DCLK1: variants seen among roughly 807,000 people sequenced by gnomAD.
The protein encoded by DCLK1 is doublecortin like kinase 1.
DCLK1 carries 16 observed loss-of-function variants against 86.2 expected under a neutral mutation model. The observed-to-expected ratio is 0.19, with a 90% CI of 0.13 to 0.28. The LOEUF (loss-of-function observed/expected upper bound fraction) is 0.28, where lower values mean the gene tolerates loss of function less well. DCLK1 is among the 10% of genes least tolerant of loss of function. The probability of loss-of-function intolerance (pLI) is 1.00; values close to 1 mark genes in which losing one functional copy is unlikely to be tolerated. For missense variants in DCLK1, 590 were observed against 940.2 expected (o/e 0.63, Z 4.87); for synonymous variants, 369 against 370.5 (o/e 1.00, Z 0.05).
chr13:36,087,752 C>A (rs1405504589), intron 3 of DCLK1, among the ~76,000 whole-genome samples: 1 of 152,028 alleles, frequency 6.6e-6, no homozygotes, highest in African/African-American at 2.4e-5. Flanking sequence ...TGGGAGTGGG[C>A]AAAGGTCAGT....
chr13:35,839,102 G>C lies in DCLK1; in HGVS notation c.1110C>G (p.Gly370=), dbSNP rs750564253. Residue 370 remains glycine (G), a synonymous_variant, in exon 7 of 17, where the codon GGC becomes GGG. Transcript: ENST00000360631. ...KVCSSMDEND[G]PGEEVSEEGF... The stretch of plus-strand genomic sequence containing the variant: ...TCCCAAGCTCATCACCTTCTCCAGG[G>C]CCATCGTTCTCATCCATCGAGCTGC... 2.5e-6 allele frequency: 4 copies of C among 1,598,904 alleles called. No individual in the cohort carries two copies. The highest frequency in any genetic ancestry group is 3.4e-6 in the Non-Finnish European group (4 of 1,172,974).
intron 4 of DCLK1, among the ~76,000 whole-genome samples, chr13:35,892,907 T>C (rs9531153): frequency 0.11 from 16,272 of 152,278 alleles, 1,092 homozygotes; most frequent in Middle Eastern, 0.17. Flanking sequence ...CAAGCATAAA[T>C]GGAAAGCCCT....
rs141645518 is a variant in DCLK1, at chr13:35,800,842, C to T, written c.1944+4857G>A. On this transcript the variant is annotated intron_variant, in intron 15 of 16. Coordinates refer to ENST00000360631, the MANE Select transcript of DCLK1 (RefSeq NM_001330071.2). ...AGCCATCCTCATTCCTCAGCCTCCC[C>T]AGTAGCTGGGATTACAGGCACCCAC... is the stretch of plus-strand genomic sequence containing the variant. 4.5e-3 allele frequency among the ~76,000 whole-genome samples: 677 copies of T among 151,864 alleles called. 6 individuals carry two copies. The highest frequency in any genetic ancestry group is 0.016 in the African/African-American group (645 of 41,366).
chr13:35,897,990 TC>T (rs1874105403), intron 4 of DCLK1, among the ~76,000 whole-genome samples: 1 of 152,236 alleles, frequency 6.6e-6, no homozygotes, highest in Non-Finnish European at 1.5e-5. Context: ...ATATTGTAGG[TC>T]TTCAAACATA....
intron 4 of DCLK1, among the ~76,000 whole-genome samples, chr13:35,895,088 G>A (rs1202342127): frequency 6.6e-6 from 1 of 152,050 alleles, no homozygotes; most frequent in Non-Finnish European, 1.5e-5. Flanking sequence ...CTATAAGTGT[G>A]CAGCACCACA....
rs189540053 is a variant in DCLK1 at position 35,915,365 on chromosome 13, A to G, written c.823+31993T>C. ...CAGCCGCAAAGGCTGTGTATCCCCA[A>G]ACTATATTCCCTACTTTTGACTCCT... On this transcript the variant is annotated intron_variant, in intron 4 of 16. Transcript: ENST00000360631. Among the ~76,000 whole-genome samples, 130 of 152,286 alleles carry G rather than the reference A, an allele frequency of 8.5e-4. 4 individuals carry two copies. In the East Asian group the frequency reaches 0.022, roughly 26 times the overall value.
chr13:35,916,327 C>T (rs1270202774), intron 4 of DCLK1, among the ~76,000 whole-genome samples: 1 of 152,168 alleles, frequency 6.6e-6, no homozygotes, highest in Non-Finnish European at 1.5e-5. Flanking sequence ...GAGCCCTGTA[C>T]ATTATAGAAA....
intron 5 of DCLK1, among the ~76,000 whole-genome samples, chr13:35,865,220 T>C (rs1871703927): frequency 6.6e-6 from 1 of 152,174 alleles, no homozygotes; most frequent in Non-Finnish European, 1.5e-5. Flanking sequence ...CACTCCAACT[T>C]GGGTGACAGA....
intron 4 of DCLK1, among the ~76,000 whole-genome samples, chr13:35,925,997 T>C (rs1876096639): frequency 6.6e-6 from 1 of 152,106 alleles, no homozygotes; most frequent in African/African-American, 2.4e-5. Flanking sequence ...GAGCTAGGGG[T>C]GAGAGTTACA....
At chr13:35,861,116 A>G (rs1222381275) in intron 5 of DCLK1, among the ~76,000 whole-genome samples, 1 of 152,244 alleles carries the variant, frequency 6.6e-6, no homozygotes, top group Non-Finnish European at 1.5e-5. Flanking sequence ...ATTGGTGCCC[A>G]GGGCAGATGT....
intron 3 of DCLK1, among the ~76,000 whole-genome samples, chr13:36,106,280 C>T (rs561418694): frequency 7.9e-5 from 12 of 152,182 alleles, no homozygotes; most frequent in Non-Finnish European, 1.8e-4. Context: ...CTCATGAGTC[C>T]TAAATATTGA....
chr13:35,826,558 A>AGGAGGGAGGGAGGGAGGGAGG (rs1161121038), intron 10 of DCLK1, among the ~76,000 whole-genome samples: 4 of 27,270 alleles, frequency 1.5e-4, no homozygotes, highest in Non-Finnish European at 4.3e-4. Context: ...AAAGAAAGAA[A>AGGAGGGAGGGAGGGAGGGAGG]GAAACAAGTC....
At chr13:35,774,739 G>C (rs374598513) in intron 16 of DCLK1, 40 bp from the exon 17 acceptor site, 3 of 1,584,000 alleles carry the variant, frequency 1.9e-6, no homozygotes, top group Admixed American at 3.5e-5. Flanking sequence ...CAATTAGGGC[G>C]AGGGAAATGG....
At chr13:36,000,808 C>T (rs2153145766) in intron 3 of DCLK1, among the ~76,000 whole-genome samples, 1 of 152,142 alleles carries the variant, frequency 6.6e-6, no homozygotes, top group East Asian at 1.9e-4. Context: ...TTGATATTGC[C>T]AGTACTCAGC....
At chr13:35,811,213 G>C (rs991976905) in intron 11 of DCLK1, among the ~76,000 whole-genome samples, 2 of 152,026 alleles carry the variant, frequency 1.3e-5, no homozygotes, top group Non-Finnish European at 2.9e-5. Flanking sequence ...TTCATACAAC[G>C]AGAGGTTACA....
intron 3 of DCLK1, among the ~76,000 whole-genome samples, chr13:35,957,595 C>A (rs1031977519): frequency 6.6e-6 from 1 of 152,100 alleles, no homozygotes; most frequent in African/African-American, 2.4e-5. Context: ...GAGCTAAAAA[C>A]ATAAAGATAA....
At chr13:36,005,549 T>C (rs534660219) in intron 3 of DCLK1, among the ~76,000 whole-genome samples, 11 of 152,302 alleles carry the variant, frequency 7.2e-5, no homozygotes, top group African/African-American at 2.6e-4. Context: ...TTTCGAAGGA[T>C]ATCAAGTAAC....
intron 3 of DCLK1, among the ~76,000 whole-genome samples, chr13:36,084,916 T>G (rs1884541163): frequency 6.6e-6 from 1 of 152,180 alleles, no homozygotes; most frequent in South Asian, 2.1e-4. Context: ...GTTATATAAA[T>G]CAAGATGAGA....
intron 4 of DCLK1, among the ~76,000 whole-genome samples, chr13:35,914,579 T>C (rs1390091985): frequency 6.7e-6 from 1 of 149,232 alleles, no homozygotes; most frequent in African/African-American, 2.5e-5. Flanking sequence ...TAGCCAGGTA[T>C]GGTGGCACAG....
Sources: allele counts gnomAD v4.1 joint callset (sites outside exome capture counted in the v4.1 genomes callset), GRCh38; gene constraint gnomAD v4.1.1; transcripts MANE v1.5; gene names NCBI Gene and HGNC (gene_info 2026-07-23, HGNC 2026-07-21).